NELL1: variants seen among roughly 807,000 people sequenced by gnomAD.
NELL1 encodes the protein protein kinase C-binding protein NELL1.
A neutral mutation model predicts 107.4 loss-of-function variants in NELL1; 76 were observed. That is an observed-to-expected ratio of 0.71 (90% CI 0.59 to 0.86). The LOEUF (loss-of-function observed/expected upper bound fraction) is 0.86, where lower values mean the gene tolerates loss of function less well. Among genes scored for constraint, NELL1 ranks in the 40% least tolerant of loss-of-function variants. The pLI is 0.00. For missense variants in NELL1, 1,024 were observed against 1,005.5 expected (o/e 1.02, Z -0.25); for synonymous variants, 353 against 341.2 (o/e 1.03, Z -0.38).
intron 4 of NELL1, among the ~76,000 whole-genome samples, chr11:20,858,637 C>A (rs1848924074): frequency 1.3e-5 from 2 of 152,140 alleles, no homozygotes; most frequent in South Asian, 2.1e-4. Flanking sequence ...GCTCCAACAC[C>A]CCTGAAGGCA....
intron 15 of NELL1, among the ~76,000 whole-genome samples, chr11:21,423,860 A>G (rs1590922220): frequency 4.6e-5 from 7 of 152,236 alleles, no homozygotes; most frequent in Admixed American, 4.6e-4. Context: ...GATAAACAGG[A>G]CGTTTTAAAA....
chr11:21,546,501 G>A (rs904790034), intron 16 of NELL1, among the ~76,000 whole-genome samples: 6 of 151,926 alleles, frequency 3.9e-5, no homozygotes, highest in African/African-American at 1.4e-4. Flanking sequence ...CCAGTGGGAG[G>A]TAACTGAATC....
At chr11:21,203,008 T>G (rs971600480) in intron 13 of NELL1, among the ~76,000 whole-genome samples, 1 of 152,164 alleles carries the variant, frequency 6.6e-6, no homozygotes, top group African/African-American at 2.4e-5. Flanking sequence ...ACTTCCGTTC[T>G]TTTGCATTTG....
chr11:20,848,647 C>T (rs991095386), intron 4 of NELL1, among the ~76,000 whole-genome samples: 1 of 152,164 alleles, frequency 6.6e-6, no homozygotes, highest in Non-Finnish European at 1.5e-5. Context: ...ACAAGGCTTG[C>T]TCCCTTGAAC....
At chr11:21,232,737 T>C (rs1858096373) in intron 14 of NELL1, among the ~76,000 whole-genome samples, 1 of 152,182 alleles carries the variant, frequency 6.6e-6, no homozygotes, top group Non-Finnish European at 1.5e-5. Flanking sequence ...CATTGTAACC[T>C]CTGCCTCCCG....
At chr11:21,512,958 T>C (rs995845187) in intron 15 of NELL1, among the ~76,000 whole-genome samples, 2 of 152,038 alleles carry the variant, frequency 1.3e-5, no homozygotes, top group Admixed American at 6.6e-5. Context: ...AAATGAAAAA[T>C]ACATTTGACC....
chr11:21,137,503 A>G (rs182975063), intron 13 of NELL1, among the ~76,000 whole-genome samples: 7 of 152,306 alleles, frequency 4.6e-5, no homozygotes, highest in African/African-American at 1.7e-4. Flanking sequence ...AACAGGATTT[A>G]AAAAGAGACA....
chr11:21,150,443 T>G (rs977572688), intron 13 of NELL1, among the ~76,000 whole-genome samples: 1 of 152,162 alleles, frequency 6.6e-6, no homozygotes, highest in African/African-American at 2.4e-5. Flanking sequence ...GAGTGTCCCT[T>G]GGCCAAGTTC....
intron 13 of NELL1, among the ~76,000 whole-genome samples, chr11:21,224,725 A>C (rs1467080519): frequency 6.6e-6 from 1 of 152,140 alleles, no homozygotes; most frequent in African/African-American, 2.4e-5. Flanking sequence ...TTCTGCTTGA[A>C]CTAGCCTATT....
chr11:21,051,953 A>T (rs1335984554), intron 12 of NELL1, among the ~76,000 whole-genome samples: 1 of 152,144 alleles, frequency 6.6e-6, no homozygotes, highest in Non-Finnish European at 1.5e-5. Flanking sequence ...ATGTTAGAAG[A>T]TGACAAGTGT....
At chr11:20,690,958 T>C (rs1258625385) in intron 2 of NELL1, among the ~76,000 whole-genome samples, 3 of 152,164 alleles carry the variant, frequency 2.0e-5, no homozygotes, top group South Asian at 4.1e-4. Flanking sequence ...TTTTGTTTCA[T>C]TGAGCAGTGG....
intron 3 of NELL1, among the ~76,000 whole-genome samples, chr11:20,810,159 T>G (rs1338025604): frequency 6.6e-6 from 1 of 152,150 alleles, no homozygotes; most frequent in Non-Finnish European, 1.5e-5. Flanking sequence ...ATTTGAGAAA[T>G]GTCTACTCAG....
intron 13 of NELL1, among the ~76,000 whole-genome samples, chr11:21,140,615 C>T (rs1855844314): frequency 6.6e-6 from 1 of 152,102 alleles, no homozygotes; most frequent in Non-Finnish European, 1.5e-5. Context: ...TTTGTTTTAT[C>T]TTCTAAGGTC....
chr11:21,438,184 T>G (rs1274466263), intron 15 of NELL1, among the ~76,000 whole-genome samples: 1 of 152,188 alleles, frequency 6.6e-6, no homozygotes, highest in Non-Finnish European at 1.5e-5. Flanking sequence ...TTTCCCTCAG[T>G]TTTGCTCATC....
chr11:21,084,345 A>G (rs1854339177), intron 12 of NELL1, among the ~76,000 whole-genome samples: 1 of 152,204 alleles, frequency 6.6e-6, no homozygotes, highest in Non-Finnish European at 1.5e-5. Flanking sequence ...TTCAACCAGC[A>G]ATTTCTTTAT....
At chr11:21,210,058 A>G (rs1857467730) in intron 13 of NELL1, among the ~76,000 whole-genome samples, 1 of 152,148 alleles carries the variant, frequency 6.6e-6, no homozygotes, top group African/African-American at 2.4e-5. Context: ...CTGTTGAAGC[A>G]TCTGTCAGTA....
intron 13 of NELL1, among the ~76,000 whole-genome samples, chr11:21,194,075 A>T (rs376185407): frequency 4.0e-5 from 6 of 151,846 alleles, no homozygotes; most frequent in East Asian, 3.9e-4. Flanking sequence ...AATGACAGTG[A>T]TGGAACTCAT....
At chr11:21,095,667 A>G (rs1467630367) in intron 12 of NELL1, among the ~76,000 whole-genome samples, 2 of 152,036 alleles carry the variant, frequency 1.3e-5, no homozygotes, top group Admixed American at 6.6e-5. Flanking sequence ...CTGGAGTGCA[A>G]TGGCACAGTC....
At chr11:20,868,144 C>CT (rs1282086249) in intron 4 of NELL1, among the ~76,000 whole-genome samples, 2 of 152,150 alleles carry the variant, frequency 1.3e-5, no homozygotes, top group Non-Finnish European at 2.9e-5. Flanking sequence ...TCCATTTTGA[C>CT]TTTGAGACAG....
Sources: gnomAD v4.1 joint callset for allele counts (sites outside exome capture counted in the v4.1 genomes callset) on GRCh38, gnomAD v4.1.1 for gene constraint, MANE v1.5 for transcripts, NCBI Gene and HGNC (gene_info 2026-07-23, HGNC 2026-07-21) for gene names.